Variants in PKHD1 observed in about 807,000 individuals in gnomAD.
The protein encoded by PKHD1 is PKHD1 ciliary IPT domain containing fibrocystin/polyductin, also known as fibrocystin.
Under a neutral mutation model 412.0 loss-of-function variants are expected in PKHD1, and 291 were observed. The ratio of observed to expected loss-of-function variants is 0.71; its 90% CI spans 0.64 to 0.78. The LOEUF (loss-of-function observed/expected upper bound fraction) is 0.78, where lower values mean the gene tolerates loss of function less well. PKHD1 is among the 30% of genes least tolerant of loss of function. The pLI, the probability that PKHD1 is intolerant of heterozygous loss-of-function variation, is 0.00. For synonymous variants in PKHD1, 1,777 were observed against 1,821.5 expected, an observed-to-expected ratio of 0.98 and a Z score of 0.62; for missense variants, 4,825 against 4,950.7, an observed-to-expected ratio of 0.97 and a Z score of 0.76.
intron 53 of PKHD1, among the ~76,000 whole-genome samples, chr6:51,782,086 TAAGA>T (rs1288437089): frequency 7.9e-5 from 12 of 151,716 alleles, no homozygotes; most frequent in African/African-American, 2.7e-4. Flanking sequence ...AATAAATCCT[TAAGA>T]AATATTATAT....
At chr6:51,993,062 C>A (rs1393530964) in intron 35 of PKHD1, among the ~76,000 whole-genome samples, 2 of 152,226 alleles carry the variant, frequency 1.3e-5, no homozygotes, top group African/African-American at 2.4e-5. Flanking sequence ...TCCTGCACTA[C>A]CAGTCCGGAT....
chr6:51,869,524 A>T (rs1026263456), intron 47 of PKHD1, among the ~76,000 whole-genome samples: 1 of 152,136 alleles, frequency 6.6e-6, no homozygotes, highest in Non-Finnish European at 1.5e-5. Flanking sequence ...CCTTAAGCAG[A>T]GCCTGAAATA....
intron 50 of PKHD1, 98 bp from the exon 51 acceptor site, chr6:51,836,567 G>T (rs1769268162): frequency 2.3e-6 from 2 of 869,186 alleles, no homozygotes; most frequent in Admixed American, 1.8e-5. Flanking sequence ...CTAAATTCTA[G>T]TTGCCTAAAT....
chr6:52,029,283 T>C (rs1802690087), intron 29 of PKHD1, among the ~76,000 whole-genome samples: 1 of 152,212 alleles, frequency 6.6e-6, no homozygotes, highest in African/African-American at 2.4e-5. Context: ...TTCAGTGTCC[T>C]TTTAGTTTAA....
Position 51,763,023 on chromosome 6 carries a change from T to C in PKHD1, c.8643-8085A>G, listed in dbSNP as rs147994108. ...CCATAAAATGAATATACTACATTAA[T>C]TGCACATCATTTGTATAAACTCATT... On this transcript the variant is annotated intron_variant, in intron 55 of 66. Transcript: ENST00000371117. Among the ~76,000 whole-genome samples the C allele has an allele frequency of 3.0e-3, 449 of 152,176 alleles. 2 individuals are homozygous for C. The highest frequency in any genetic ancestry group is 0.01 in the African/African-American group (426 of 41,560).
At chr6:51,823,628 A>T (rs1029281583) in intron 52 of PKHD1, among the ~76,000 whole-genome samples, 3 of 152,178 alleles carry the variant, frequency 2.0e-5, no homozygotes, top group Admixed American at 6.5e-5. Context: ...TTAAGATTGG[A>T]AAAAGAATCT....
chr6:51,893,601 G>A (rs73738765), intron 43 of PKHD1, among the ~76,000 whole-genome samples: 3,313 of 152,254 alleles, frequency 0.022, 139 homozygotes, highest in African/African-American at 0.075. Context: ...GGCAGCTTGC[G>A]GGGAAGGTTT....
At chr6:51,651,117 C>T (rs564379) in intron 61 of PKHD1, among the ~76,000 whole-genome samples, 140,566 of 152,128 alleles carry the variant, frequency 0.92, 65,106 homozygotes, top group East Asian at 1. Flanking sequence ...GGGAAACCAA[C>T]TGCCTGAACA....
intron 60 of PKHD1, among the ~76,000 whole-genome samples, chr6:51,740,751 T>C (rs1416926422): frequency 6.6e-6 from 1 of 152,224 alleles, no homozygotes. Flanking sequence ...GATTTACTCA[T>C]ACTTTGGAAG....
intron 35 of PKHD1, among the ~76,000 whole-genome samples, chr6:51,994,567 G>A (rs1410355993): frequency 2.6e-5 from 4 of 151,988 alleles, no homozygotes; most frequent in Admixed American, 6.6e-5. Context: ...TTTTGGGTTT[G>A]TTGTTGTTGT....
chr6:51,669,901 G>T (rs1459573553), intron 60 of PKHD1, among the ~76,000 whole-genome samples: 6 of 141,372 alleles, frequency 4.2e-5, no homozygotes, highest in African/African-American at 1.6e-4. Flanking sequence ...ATTGCACTGT[G>T]GTCTGAGAGA....
At chr6:52,055,520 T>C (rs1351224458) in intron 19 of PKHD1, 67 bp downstream of exon 19, 1 of 1,561,006 alleles carries the variant, frequency 6.4e-7, no homozygotes, top group East Asian at 2.2e-5. Context: ...GAGTTTTCAG[T>C]CTTGAATCCA....
chr6:51,847,973 TGAA>T lies in PKHD1; in HGVS notation c.7912-6_7912-4del. ...AAGTTGTCAAAGGTTGCTGAGTACT[TGAA>T]GTGAAAGAAAAACACAATAGTGCTC... On this transcript the variant is annotated splice_polypyrimidine_tract_variant and splice_region_variant and intron_variant, in intron 49 of 66. Coordinates refer to ENST00000371117, the MANE Select transcript of PKHD1 (RefSeq NM_138694.4). 6.2e-7 allele frequency: 1 copy of T among 1,609,006 alleles called. No individual in the cohort carries two copies. Among genetic ancestry groups the T allele is most frequent in the African/African-American group, 1.3e-5 (1 of 74,894 alleles).
At chr6:52,004,200 G>A (rs1173915857) in intron 35 of PKHD1, among the ~76,000 whole-genome samples, 1 of 150,786 alleles carries the variant, frequency 6.6e-6, no homozygotes, top group African/African-American at 2.4e-5. Context: ...TTTTCTTTCT[G>A]TTCTTCAGTT....
At chr6:51,762,728 A>T (rs542088164) in intron 55 of PKHD1, among the ~76,000 whole-genome samples, 79 of 152,030 alleles carry the variant, frequency 5.2e-4, no homozygotes, top group African/African-American at 1.8e-3. Context: ...ATATGCTTAT[A>T]TCACAATATA....
At chr6:52,019,472 A>G (rs1298886611) in intron 33 of PKHD1, among the ~76,000 whole-genome samples, 3 of 152,278 alleles carry the variant, frequency 2.0e-5, no homozygotes, top group Non-Finnish European at 4.4e-5. Context: ...CAGACAAAAC[A>G]TAAGAACTTT....
chr6:51,865,499 G>C (rs886960547), intron 48 of PKHD1, among the ~76,000 whole-genome samples: 3 of 152,160 alleles, frequency 2.0e-5, no homozygotes, highest in African/African-American at 7.2e-5. Context: ...ATGGACCAGA[G>C]AGGGGGCCTA....
At chr6:51,935,799 C>A (rs889438954) in intron 36 of PKHD1, among the ~76,000 whole-genome samples, 2 of 152,178 alleles carry the variant, frequency 1.3e-5, no homozygotes, top group Non-Finnish European at 2.9e-5. Flanking sequence ...TTTTGATATT[C>A]CCGTGAATAT....
intron 60 of PKHD1, 89 bp downstream of exon 60, chr6:51,744,296 A>G (rs1784924752): frequency 2.7e-6 from 3 of 1,125,546 alleles, no homozygotes; most frequent in Non-Finnish European, 4.1e-6. Context: ...CTTCACCAGT[A>G]CATTTCATTC....
Sources: gnomAD v4.1 joint callset for allele counts (sites outside exome capture counted in the v4.1 genomes callset) on GRCh38, gnomAD v4.1.1 for gene constraint, MANE v1.5 for transcripts, NCBI Gene and HGNC (gene_info 2026-07-23, HGNC 2026-07-21) for gene names.